AP1B1: variants seen among roughly 807,000 people sequenced by gnomAD.
AP1B1 encodes the protein AP-1 complex subunit beta-1.
Under a neutral mutation model 104.3 loss-of-function variants are expected in AP1B1, and 36 were observed. The observed-to-expected ratio is 0.35, with a 90% CI of 0.26 to 0.46. AP1B1 has a LOEUF of 0.46. Among genes scored for constraint, AP1B1 ranks in the 20% least tolerant of loss-of-function variants. The probability of loss-of-function intolerance (pLI) is 1.00; values close to 1 mark genes in which losing one functional copy is unlikely to be tolerated. For missense variants in AP1B1, 901 were observed against 1,247.9 expected (o/e 0.72, Z 4.19); for synonymous variants, 504 against 517.5 (o/e 0.97, Z 0.35).
rs367690797 is a variant in AP1B1 at position 29,329,817 on chromosome 22, G to A, written c.2767-97C>T. On this transcript the variant is annotated intron_variant, in intron 21 of 22. Coordinates refer to ENST00000357586, the MANE Select transcript of AP1B1 (RefSeq NM_001127.4). ...CGAAGCCACGCCACAGCCCCCCACCGACCAGCACTGCCAGCAGGACCCAGG... is the reference window on the plus strand; with the variant it reads ...CGAAGCCACGCCACAGCCCCCCACCAACCAGCACTGCCAGCAGGACCCAGG... 112 of 1,576,722 alleles carry A rather than the reference G, an allele frequency of 7.1e-5. 4 individuals are homozygous for A. Among genetic ancestry groups the A allele is most frequent in the South Asian group, 5.0e-4 (42 of 84,574 alleles).
chr22:29,334,496 C>T, intron 16 of AP1B1, 86 bp from the exon 17 acceptor site: 2 of 1,444,708 alleles, frequency 1.4e-6, no homozygotes, highest in Non-Finnish European at 1.8e-6. Flanking sequence ...TGCTTTTTCT[C>T]TCTCTCTCCT....
intron 1 of AP1B1, among the ~76,000 whole-genome samples, chr22:29,378,808 G>A (rs2062389814): frequency 6.8e-6 from 1 of 146,912 alleles, no homozygotes; most frequent in Non-Finnish European, 1.5e-5. Context: ...GCAGTGAGCT[G>A]AGATCGTGTC....
chr22:29,341,949 G>T lies in AP1B1; in HGVS notation c.1537-189C>A, dbSNP rs556436862. 9.6e-4 allele frequency among the ~76,000 whole-genome samples: 146 copies of T among 152,274 alleles called. 1 individual carries two copies. Among genetic ancestry groups the T allele is most frequent in the Admixed American group, 1.4e-3 (22 of 15,300 alleles). On this transcript the variant is annotated intron_variant, in intron 12 of 22. Transcript: ENST00000357586. ...CCTGGCCCCGGGCTCATTCCCCATGGTACTCTACTCCAGCCTGGCCATGCC... is the reference window on the plus strand; with the variant it reads ...CCTGGCCCCGGGCTCATTCCCCATGTTACTCTACTCCAGCCTGGCCATGCC...
chr22:29,351,347 C>G, intron 8 of AP1B1, 81 bp from the exon 9 acceptor site: 1 of 1,427,272 alleles, frequency 7.0e-7, no homozygotes, highest in Non-Finnish European at 9.9e-7. Flanking sequence ...TGAATATACA[C>G]AGACTCCCTA....
intron 11 of AP1B1, among the ~76,000 whole-genome samples, chr22:29,344,397 C>T (rs961947033): frequency 1.3e-5 from 2 of 152,034 alleles, no homozygotes; most frequent in African/African-American, 4.8e-5. Flanking sequence ...ACACTCAGGC[C>T]GTTAGCCTGC....
chr22:29,355,762 G>A (rs535089399), intron 6 of AP1B1, among the ~76,000 whole-genome samples: 12 of 151,416 alleles, frequency 7.9e-5, no homozygotes, highest in Non-Finnish European at 1.6e-4. Context: ...TGCTCATGTT[G>A]GCATGCAGAT....
Position 29,330,032 on chromosome 22 carries a change from TC to T in AP1B1, c.2767-313del, listed in dbSNP as rs1341185035. The T allele has an allele frequency of 2.1e-6, 3 of 1,408,464 alleles. No homozygotes were observed. In the African/African-American group the frequency reaches 4.3e-5, roughly 20 times the overall value. 87.2% of individuals were successfully genotyped at this position (1,408,464 alleles called of 1,614,324 possible). On this transcript the variant is annotated intron_variant, in intron 21 of 22. Coordinates refer to ENST00000357586, the MANE Select transcript of AP1B1 (RefSeq NM_001127.4). ...TTCAGGCTCCTGGGAACCACTGTCC[TC>T]CCAGCTGGACATGCAGGCACTCACA... is the stretch of plus-strand genomic sequence containing the variant.
intron 1 of AP1B1, among the ~76,000 whole-genome samples, chr22:29,387,783 TATTTA>T (rs1401203865): frequency 6.6e-6 from 1 of 152,244 alleles, no homozygotes; most frequent in Admixed American, 6.5e-5. Context: ...AAAATAGGGA[TATTTA>T]ATCCCCACAA....
chr22:29,385,398 A>G (rs1386751559), intron 1 of AP1B1, among the ~76,000 whole-genome samples: 1 of 152,142 alleles, frequency 6.6e-6, no homozygotes, highest in Non-Finnish European at 1.5e-5. Context: ...AAAAAGAAAA[A>G]GAGTTGGTGC....
intron 3 of AP1B1, among the ~76,000 whole-genome samples, chr22:29,362,521 ATTT>A (rs1224461514): frequency 6.6e-6 from 1 of 151,794 alleles, no homozygotes; most frequent in African/African-American, 2.4e-5. Flanking sequence ...TACTTTTTGT[ATTT>A]TTAGTAGAGA....
chr22:29,336,627 T>C (rs957050155), intron 16 of AP1B1, among the ~76,000 whole-genome samples: 1 of 150,768 alleles, frequency 6.6e-6, no homozygotes, highest in Non-Finnish European at 1.5e-5. Context: ...CATAGTGAAA[T>C]CCTGTCTTTA....
chr22:29,337,971 G>T (rs1020741593), intron 16 of AP1B1, among the ~76,000 whole-genome samples: 1 of 152,232 alleles, frequency 6.6e-6, no homozygotes, highest in Non-Finnish European at 1.5e-5. Context: ...GGCTGTGCCA[G>T]GATCAAGAAG....
intron 7 of AP1B1, among the ~76,000 whole-genome samples, chr22:29,353,806 G>C (rs571363073): frequency 6.6e-6 from 1 of 152,148 alleles, no homozygotes; most frequent in Non-Finnish European, 1.5e-5. Flanking sequence ...GGTTGCTACT[G>C]TCAAGTCCCC....
chr22:29,336,890 C>A (rs1001861947), intron 16 of AP1B1, among the ~76,000 whole-genome samples: 7 of 152,016 alleles, frequency 4.6e-5, no homozygotes, highest in African/African-American at 1.7e-4. Context: ...CCTGGCAGCT[C>A]TGCAGTGCCT....
rs377468858 is a variant in AP1B1 at position 29,334,422 on chromosome 22, A to C, written c.2164-12T>G. On this transcript the variant is annotated splice_polypyrimidine_tract_variant and intron_variant, in intron 16 of 22. Coordinates refer to ENST00000357586, the MANE Select transcript of AP1B1 (RefSeq NM_001127.4). ...GCTGGGAGCCAGACCTGCAGGGAAG[A>C]GGGTGCGGAGGGGGCGGGTAGGTGC... The C allele has an allele frequency of 2.5e-6, 4 of 1,593,176 alleles. No individual in the cohort carries two copies. The Admixed American group carries it at 7.4e-5, about 29-fold the overall frequency.
intron 17 of AP1B1, among the ~76,000 whole-genome samples, chr22:29,333,792 G>A (rs555410761): frequency 7.2e-5 from 11 of 152,282 alleles, no homozygotes; most frequent in African/African-American, 2.4e-4. Context: ...GGCTGAGCAC[G>A]GTCACTCACA....
intron 9 of AP1B1, among the ~76,000 whole-genome samples, chr22:29,350,710 G>T (rs2061861066): frequency 6.6e-6 from 1 of 152,136 alleles, no homozygotes; most frequent in South Asian, 2.1e-4. Flanking sequence ...TAGTGGTCGA[G>T]GAACATCTCC....
chr22:29,340,978 A>C (rs2061706083), intron 13 of AP1B1, 121 bp from the exon 14 acceptor site: 1 of 991,980 alleles, frequency 1.0e-6, no homozygotes, highest in African/African-American at 1.6e-5. Context: ...TGTCCCCGAC[A>C]GGGCTGTCCA....
intron 8 of AP1B1, 180 bp from the exon 9 acceptor site, chr22:29,351,446 C>T (rs1050590214): frequency 2.3e-6 from 2 of 870,790 alleles, no homozygotes; most frequent in Non-Finnish European, 1.8e-6. Context: ...GCCTGGACAA[C>T]CTTGTTTGGG....
Sources: allele counts gnomAD v4.1 joint callset (sites outside exome capture counted in the v4.1 genomes callset), GRCh38; gene constraint gnomAD v4.1.1; transcripts MANE v1.5; gene names NCBI Gene and HGNC (gene_info 2026-07-23, HGNC 2026-07-21).